TRIM26: variants seen among roughly 807,000 people sequenced by gnomAD.
TRIM26 encodes the protein tripartite motif containing 26.
Under a neutral mutation model 45.5 loss-of-function variants are expected in TRIM26, and 16 were observed. That is an observed-to-expected ratio of 0.35 (90% CI 0.24 to 0.53). TRIM26 has a LOEUF of 0.53. Among genes scored for constraint, TRIM26 ranks in the 20% least tolerant of loss-of-function variants. The pLI is 0.92. For missense variants in TRIM26, 442 were observed against 691.1 expected (o/e 0.64, Z 4.04); for synonymous variants, 273 against 290.4 (o/e 0.94, Z 0.61).
intron 6 of TRIM26, among the ~76,000 whole-genome samples, chr6:30,193,136 ATGTGTGTGTG>A (rs9278607): frequency 9.7e-5 from 5 of 51,714 alleles, no homozygotes; most frequent in Non-Finnish European, 1.6e-4. Context: ...ATATACATAT[ATGTGTGTGTG>A]TGTGTGTGTG....
rs771578733 is a variant in TRIM26 at position 30,198,600 on chromosome 6, T to C, written c.438+66A>G. 2.4e-5 allele frequency: 38 copies of C among 1,610,142 alleles called. No homozygotes were observed. Among genetic ancestry groups the C allele is most frequent in the Admixed American group, 3.3e-5 (2 of 59,936 alleles). On this transcript the variant is annotated intron_variant, in intron 4 of 9. Coordinates refer to ENST00000454678, the MANE Select transcript of TRIM26 (RefSeq NM_003449.5). The surrounding 1 kb of genome is among the most constrained non-coding windows in gnomAD (Gnocchi z 6.3). ...GAAGGGAGACTCAGGCTGAGTCCTC[T>C]GAGGACTGCAAGGTGGAGCATCCAG... is the stretch of plus-strand genomic sequence containing the variant.
chr6:30,203,046 C>CTT (rs9278610), intron 2 of TRIM26, among the ~76,000 whole-genome samples: 11 of 132,846 alleles, frequency 8.3e-5, no homozygotes, highest in East Asian at 2.3e-4. Flanking sequence ...TCCTCTCTTT[C>CTT]TTTTTTTTTT....
intron 6 of TRIM26, among the ~76,000 whole-genome samples, chr6:30,195,877 CG>C (rs979193381): frequency 1.3e-5 from 2 of 152,064 alleles, no homozygotes; most frequent in African/African-American, 4.8e-5. Context: ...CAGAGGCTCC[CG>C]GGGGGGAGGA....
rs1777838361 is a variant in TRIM26 at position 30,207,478 on chromosome 6, C to A, written c.-375-2713G>T. On this transcript the variant is annotated intron_variant, in intron 1 of 9. Coordinates refer to ENST00000454678, the MANE Select transcript of TRIM26 (RefSeq NM_003449.5). This position sits in a 1 kb window ranked among gnomAD's most constrained non-coding sequence, Gnocchi z 4.9. ...ATAAACCTCCTCTCCCCTTTGCTGC[C>A]CCAGTGCTGCAGCCACTCTGGCCTT... 6.6e-6 allele frequency among the ~76,000 whole-genome samples: 1 copy of A among 152,132 alleles called. No homozygotes were observed.
intron 2 of TRIM26, among the ~76,000 whole-genome samples, chr6:30,203,502 G>A (rs1275578553): frequency 1.3e-5 from 2 of 151,870 alleles, no homozygotes; most frequent in African/African-American, 2.4e-5. Context: ...TACAACCTTC[G>A]CTTGCCAGGT....
At chr6:30,193,193 T>TTTTC (rs1554201705) in intron 6 of TRIM26, among the ~76,000 whole-genome samples, 964 of 67,868 alleles carry the variant, frequency 0.014, 45 homozygotes, top group African/African-American at 0.033. Context: ...TTTTTTTTTT[T>TTTTC]TTTTTTTTAA....
In TRIM26 at chr6:30,185,715, G is replaced by T; in HGVS notation, c.*161C>A. The T allele has an allele frequency of 1.3e-6, 1 of 770,680 alleles. No individual in the cohort carries two copies. The highest frequency in any genetic ancestry group is 2.1e-6 in the Non-Finnish European group (1 of 483,602). 47.7% of individuals were successfully genotyped at this position (770,680 alleles called of 1,614,324 possible). Reference sequence around the variant, plus strand: ...AGTAGATGGAGCAACAGCACTGAGTGAGATTTCAGGGGGCCACAGCAATGG... The same window carrying T: ...AGTAGATGGAGCAACAGCACTGAGTTAGATTTCAGGGGGCCACAGCAATGG... On this transcript the variant is annotated 3_prime_UTR_variant, in exon 10 of 10. Coordinates refer to ENST00000454678, the MANE Select transcript of TRIM26 (RefSeq NM_003449.5). This position sits in a 1 kb window ranked among gnomAD's most constrained non-coding sequence, Gnocchi z 5.7.
In TRIM26 at chr6:30,207,478, C is replaced by G; in HGVS notation, c.-375-2713G>C. Among the ~76,000 whole-genome samples, 1 of 152,132 alleles carries G rather than the reference C, an allele frequency of 6.6e-6. No homozygotes were observed. The highest frequency in any genetic ancestry group is 1.9e-4 in the East Asian group (1 of 5,188). ...ATAAACCTCCTCTCCCCTTTGCTGC[C>G]CCAGTGCTGCAGCCACTCTGGCCTT... On this transcript the variant is annotated intron_variant, in intron 1 of 9. Coordinates refer to ENST00000454678, the MANE Select transcript of TRIM26 (RefSeq NM_003449.5). This position sits in a 1 kb window ranked among gnomAD's most constrained non-coding sequence, Gnocchi z 4.9.
In TRIM26 at chr6:30,190,734, T is replaced by G. The variant is rs1775746295; in HGVS notation, c.766-699A>C. Among the ~76,000 whole-genome samples, 1 of 152,078 alleles carries G rather than the reference T, an allele frequency of 6.6e-6. No homozygotes were observed. The highest frequency in any genetic ancestry group is 1.5e-5 in the Non-Finnish European group (1 of 67,994). On this transcript the variant is annotated intron_variant, in intron 6 of 9. Transcript: ENST00000454678. The surrounding 1 kb of genome is among the most constrained non-coding windows in gnomAD (Gnocchi z 4.3). Reference sequence around the variant, plus strand: ...TACTTCCTTTTTACCCCAACTGAATTTTGGACATGGTGGTGGTGAGCCCAA... The same window carrying G: ...TACTTCCTTTTTACCCCAACTGAATGTTGGACATGGTGGTGGTGAGCCCAA...
chr6:30,194,688 C>G (rs1218902341), intron 6 of TRIM26, among the ~76,000 whole-genome samples: 2 of 152,018 alleles, frequency 1.3e-5, no homozygotes, highest in African/African-American at 2.4e-5. Flanking sequence ...AACCCTGACT[C>G]TACCAAAAAT....
Position 30,189,235 on chromosome 6 carries a change from C to T in TRIM26, c.905-36G>A, listed in dbSNP as rs777664496. On this transcript the variant is annotated intron_variant, in intron 8 of 9. Transcript: ENST00000454678. This position sits in a 1 kb window ranked among gnomAD's most constrained non-coding sequence, Gnocchi z 5.0. ...AAAAGGACAGCAATGACTCAAGTCC[C>T]GAAAATTTATGAGCCCATTTCTTGC... 1.5e-5 allele frequency: 24 copies of T among 1,612,918 alleles called. No homozygotes were observed. The highest frequency in any genetic ancestry group is 8.0e-5 in the African/African-American group (6 of 75,012).
At position 30,198,793 on chromosome 6, in the gene TRIM26, C is replaced by T. The variant is rs144770536; in HGVS notation, c.311G>A (p.Arg104Gln). 2.7e-5 allele frequency: 43 copies of T among 1,595,882 alleles called. No individual in the cohort carries two copies. Among genetic ancestry groups the T allele is most frequent in the Non-Finnish European group, 3.5e-5 (41 of 1,175,500 alleles). ...GTAGTAGTGCAGCTTCTCTCGGTGT[C>T]GCTCGCACAACTTTGCATCCTGCTG... ...REQQDAKLCE[R>Q]HREKLHYYCE... Residue 104 changes from arginine (R) to glutamine (Q), a missense_variant, in exon 4 of 10, where the codon CGA (arginine) becomes CAA (glutamine). Arg to Gln is a conservative substitution (Grantham distance 43). Coordinates refer to ENST00000454678, the MANE Select transcript of TRIM26 (RefSeq NM_003449.5). This position sits in a 1 kb window ranked among gnomAD's most constrained non-coding sequence, Gnocchi z 6.3.
rs1005613698 is a variant in TRIM26 at position 30,198,288 on chromosome 6, G to C, written c.534+141C>G. The C allele has an allele frequency of 2.4e-6, 2 of 850,894 alleles. No homozygotes were observed. 52.7% of individuals were successfully genotyped at this position (850,894 alleles called of 1,614,324 possible). A position where few individuals can be genotyped will look rare whatever the true frequency, so the allele number is the denominator to read the frequency against. On this transcript the variant is annotated intron_variant, in intron 5 of 9. Transcript: ENST00000454678. The surrounding 1 kb of genome is among the most constrained non-coding windows in gnomAD (Gnocchi z 6.3). ...AAGACAGCACTTGGGCTAAAACCCAGGTCTGCTACTGCCAGGCTGACACCC... is the reference window on the plus strand; with the variant it reads ...AAGACAGCACTTGGGCTAAAACCCACGTCTGCTACTGCCAGGCTGACACCC...
chr6:30,198,548 A>G lies in TRIM26; in HGVS notation c.439-24T>C. 6.2e-7 allele frequency: 1 copy of G among 1,612,706 alleles called. No individual in the cohort carries two copies. Among genetic ancestry groups the G allele is most frequent in the South Asian group, 1.1e-5 (1 of 91,084 alleles). Reference sequence around the variant, plus strand: ...TCCTGTGGAAAAACAAGCAGTGGCAACAGGTGGATGCTCTGGGCTGGGGCA... The same window carrying G: ...TCCTGTGGAAAAACAAGCAGTGGCAGCAGGTGGATGCTCTGGGCTGGGGCA... On this transcript the variant is annotated intron_variant, in intron 4 of 9. Transcript: ENST00000454678. This position sits in a 1 kb window ranked among gnomAD's most constrained non-coding sequence, Gnocchi z 6.3.
At chr6:30,193,201 T>C (rs1404618817) in intron 6 of TRIM26, among the ~76,000 whole-genome samples, 1 of 129,666 alleles carries the variant, frequency 7.7e-6, no homozygotes, top group East Asian at 2.2e-4. Context: ...TTTTTTTTTT[T>C]AATGGAGTCT....
chr6:30,192,875 A>G (rs1775997196), intron 6 of TRIM26, among the ~76,000 whole-genome samples: 1 of 151,900 alleles, frequency 6.6e-6, no homozygotes, highest in African/African-American at 2.4e-5. Flanking sequence ...ATGGTTGGTT[A>G]CCCAGTTTTC....
chr6:30,186,945 A>C lies in TRIM26; in HGVS notation c.938-387T>G. ...TGTTCCATTTTCTTCATAATCCAGA[A>C]AAAAAGTCCTCTTTTTCAAGTAACT... On this transcript the variant is annotated intron_variant, in intron 9 of 9. Transcript: ENST00000454678. The surrounding 1 kb of genome is among the most constrained non-coding windows in gnomAD (Gnocchi z 7.4). 1 of 520,770 alleles carries C rather than the reference A, an allele frequency of 1.9e-6. No homozygotes were observed. The highest frequency in any genetic ancestry group is 3.5e-6 in the Non-Finnish European group (1 of 285,198). The allele number at this position is 520,770 out of a possible 1,614,324, so 32.3% of individuals were successfully genotyped here. A position where few individuals can be genotyped will look rare whatever the true frequency, so the allele number is the denominator to read the frequency against.
At chr6:30,205,001 G>C (rs1364608201) in intron 1 of TRIM26, among the ~76,000 whole-genome samples, 2 of 152,128 alleles carry the variant, frequency 1.3e-5, no homozygotes, top group Non-Finnish European at 1.5e-5. Context: ...TAGCACTCTG[G>C]GAGGCAGAGG....
chr6:30,202,182 C>A (rs1019040844), intron 2 of TRIM26, among the ~76,000 whole-genome samples: 105 of 152,228 alleles, frequency 6.9e-4, no homozygotes, highest in African/African-American at 2.4e-3. Flanking sequence ...TTCTTCCATG[C>A]AAAACAGGAC....
Sources: allele counts gnomAD v4.1 joint callset (sites outside exome capture counted in the v4.1 genomes callset), GRCh38; gene constraint gnomAD v4.1.1; non-coding constraint Gnocchi (gnomAD v3.1); transcripts MANE v1.5; gene names NCBI Gene and HGNC (gene_info 2026-07-23, HGNC 2026-07-21).